TIAM1: variants seen among roughly 807,000 people sequenced by gnomAD.
TIAM1 encodes TIAM Rac1 associated GEF 1.
In TIAM1, 65 loss-of-function variants were observed where a neutral mutation model predicts 163.5. That is an observed-to-expected ratio of 0.40 (90% confidence interval 0.33 to 0.49). The LOEUF (loss-of-function observed/expected upper bound fraction) is 0.49. TIAM1 is among the 20% of genes least tolerant of loss of function. The probability of loss-of-function intolerance (pLI) is 0.77; values close to 1 mark genes in which losing one functional copy is unlikely to be tolerated. For missense variants in TIAM1, 1,789 were observed against 2,044.7 expected (o/e 0.87, Z 2.41); for synonymous variants, 833 against 810.1 (o/e 1.03, Z -0.48).
chr21:31,537,650 G>A (rs1273352589), intron 1 of TIAM1, among the ~76,000 whole-genome samples: 1 of 151,938 alleles, frequency 6.6e-6, no homozygotes, highest in African/African-American at 2.4e-5. Context: ...TACTTGAAAG[G>A]CTGAGACACA....
At chr21:31,164,128 C>T (rs1037741557) in intron 16 of TIAM1, among the ~76,000 whole-genome samples, 4 of 152,098 alleles carry the variant, frequency 2.6e-5, no homozygotes, top group Non-Finnish European at 5.9e-5. Context: ...CAGTGGCTCA[C>T]GCCTGTAATC....
chr21:31,160,131 A>C (rs145214669), intron 16 of TIAM1, among the ~76,000 whole-genome samples: 29 of 150,948 alleles, frequency 1.9e-4, no homozygotes, highest in Admixed American at 1.2e-3. Flanking sequence ...AAACAAAGGC[A>C]AAAAATGCAA....
At chr21:31,162,714 T>C (rs2083990210) in intron 16 of TIAM1, among the ~76,000 whole-genome samples, 1 of 151,412 alleles carries the variant, frequency 6.6e-6, no homozygotes, top group South Asian at 2.1e-4. Flanking sequence ...CGATCTTGAC[T>C]CACTGCAACC....
At chr21:31,519,305 CAAAAAAAAAAA>C (rs369132676) in intron 1 of TIAM1, among the ~76,000 whole-genome samples, 3 of 53,130 alleles carry the variant, frequency 5.6e-5, no homozygotes, top group Non-Finnish European at 9.9e-5. Flanking sequence ...AACTCTGTCT[CAAAAAAAAAAA>C]AAAAAAAAAA....
chr21:31,312,982 T>C (rs910066682), intron 2 of TIAM1, among the ~76,000 whole-genome samples: 3 of 152,188 alleles, frequency 2.0e-5, no homozygotes, highest in Non-Finnish European at 4.4e-5. Flanking sequence ...TCAGCAATCT[T>C]CTCCAGCCCA....
chr21:31,557,895 C>G (rs532027150), intron 1 of TIAM1, among the ~76,000 whole-genome samples: 13 of 152,084 alleles, frequency 8.5e-5, no homozygotes, highest in African/African-American at 3.1e-4. Context: ...GGACCCCAGG[C>G]TGGGACACGG....
At chr21:31,501,558 C>G (rs919096848) in intron 1 of TIAM1, among the ~76,000 whole-genome samples, 3 of 151,810 alleles carry the variant, frequency 2.0e-5, no homozygotes, top group African/African-American at 7.3e-5. Flanking sequence ...GTATTTCTCA[C>G]TGGAACCCAC....
chr21:31,398,147 A>T (rs2077104255), intron 2 of TIAM1, among the ~76,000 whole-genome samples: 1 of 143,756 alleles, frequency 7.0e-6, no homozygotes, highest in Admixed American at 7.2e-5. Context: ...AGCAAATGTC[A>T]ATCTTCAGGG....
chr21:31,303,124 A>G (rs1289370214), intron 2 of TIAM1, among the ~76,000 whole-genome samples: 1 of 152,218 alleles, frequency 6.6e-6, no homozygotes, highest in African/African-American at 2.4e-5. Context: ...AGTAACAAAA[A>G]AGTGGTATAA....
chr21:31,528,671 G>A (rs997926157), intron 1 of TIAM1, among the ~76,000 whole-genome samples: 7 of 151,328 alleles, frequency 4.6e-5, no homozygotes, highest in African/African-American at 1.7e-4. Flanking sequence ...CAGGCATGGT[G>A]TGGTGTGCCT....
intron 14 of TIAM1, 80 bp from the exon 15 acceptor site, chr21:31,182,725 C>A (rs2085093252): frequency 7.0e-7 from 1 of 1,419,240 alleles, no homozygotes. Flanking sequence ...CTATAAAGGG[C>A]ACACCTGCTG....
rs144083701 is a variant in TIAM1 at position 31,128,527 on chromosome 21, A to G, written c.4046-1375T>C. Among the ~76,000 whole-genome samples, 302 of 152,344 alleles carry G rather than the reference A, an allele frequency of 2.0e-3. 1 individual carries two copies. Among genetic ancestry groups the G allele is most frequent in the African/African-American group, 6.3e-3 (263 of 41,580 alleles). On this transcript the variant is annotated intron_variant, in intron 25 of 27. Transcript: ENST00000541036. Reference sequence around the variant, plus strand: ...AAACTTTCCCATTTGTAAACCTGGCATGAGGAAACAAAGGAACTAGATAAT... The same window carrying G: ...AAACTTTCCCATTTGTAAACCTGGCGTGAGGAAACAAAGGAACTAGATAAT...
intron 2 of TIAM1, among the ~76,000 whole-genome samples, chr21:31,450,457 G>A (rs915487874): frequency 1.3e-5 from 2 of 152,062 alleles, no homozygotes; most frequent in Non-Finnish European, 2.9e-5. Flanking sequence ...ATTCTTCAAG[G>A]CAGAACAGGT....
At chr21:31,194,158 A>G (rs1479522902) in intron 13 of TIAM1, among the ~76,000 whole-genome samples, 1 of 149,932 alleles carries the variant, frequency 6.7e-6, no homozygotes, top group Non-Finnish European at 1.5e-5. Flanking sequence ...TTAAACCTCT[A>G]CTCCTAAACC....
intron 6 of TIAM1, among the ~76,000 whole-genome samples, chr21:31,235,964 C>T (rs904388204): frequency 2.0e-5 from 3 of 152,222 alleles, no homozygotes; most frequent in African/African-American, 7.2e-5. Context: ...GGGGCCCCTG[C>T]CAGGGCTCTG....
chr21:31,450,694 C>T (rs1022480644), intron 2 of TIAM1, among the ~76,000 whole-genome samples: 1 of 152,180 alleles, frequency 6.6e-6, no homozygotes, highest in East Asian at 1.9e-4. Context: ...TTCCACATGG[C>T]TGGGGAGGCC....
chr21:31,239,024 G>T (rs1195292257), intron 6 of TIAM1, among the ~76,000 whole-genome samples: 1 of 152,120 alleles, frequency 6.6e-6, no homozygotes, highest in Non-Finnish European at 1.5e-5. Flanking sequence ...CATAGCCACC[G>T]ATCTCACAAT....
rs756724372 is a variant in TIAM1, at chr21:31,120,668, C to A, written c.4476G>T (p.Gln1492His). ...RWVEEQFDLA[Q>H]YEEQDDIKET... ...CCTTGATGTCATCTTGCTCCTCATA[C>A]TGAGCAAGATCAAACTGCTCCTCTA... The change falls in exon 28 of 28, where the codon CAG (glutamine) becomes CAT (histidine). Residue 1492 changes from glutamine to histidine, a missense_variant. Physicochemically the swap from Gln to His is conservative, Grantham distance 24. Coordinates refer to ENST00000541036, the MANE Select transcript of TIAM1 (RefSeq NM_001353694.2). The surrounding 1 kb of genome is among the most constrained non-coding windows in gnomAD (Gnocchi z 4.2). 17 of 1,614,002 alleles carry A rather than the reference C, an allele frequency of 1.1e-5. No homozygotes were observed. The South Asian group carries it at 1.9e-4, about 18-fold the overall frequency.
intron 12 of TIAM1, among the ~76,000 whole-genome samples, chr21:31,196,174 G>A (rs1039191073): frequency 3.3e-5 from 5 of 152,030 alleles, no homozygotes; most frequent in South Asian, 2.1e-4. Context: ...TGTACACATC[G>A]CTAATTATCA....
Sources: allele counts gnomAD v4.1 joint callset (sites outside exome capture counted in the v4.1 genomes callset), GRCh38; gene constraint gnomAD v4.1.1; non-coding constraint Gnocchi (gnomAD v3.1); transcripts MANE v1.5; gene names NCBI Gene and HGNC (gene_info 2026-07-23, HGNC 2026-07-21).